Variants in TPTE observed in about 807,000 individuals in gnomAD.
TPTE encodes putative tyrosine-protein phosphatase TPTE.
A neutral mutation model predicts 84.1 loss-of-function variants in TPTE; 59 were observed. The ratio of observed to expected loss-of-function variants is 0.70; its 90% CI spans 0.57 to 0.87. The LOEUF is 0.87. Among genes scored for constraint, TPTE ranks in the 40% least tolerant of loss-of-function variants. The probability of loss-of-function intolerance (pLI) is 0.00; values close to 1 mark genes in which losing one functional copy is unlikely to be tolerated. For missense variants in TPTE, 382 were observed against 659.6 expected (o/e 0.58, Z 4.61); for synonymous variants, 130 against 223.5 (o/e 0.58, Z 3.73).
intron 5 of TPTE, 82 bp downstream of exon 5, chr21:10,541,247 C>A (rs469872): frequency 0.13 from 192,140 of 1,486,028 alleles, 196 homozygotes; most frequent in African/African-American, 0.47. Flanking sequence ...TGAAGCAGGC[C>A]GATACCCTGA....
At chr21:10,573,848 G>T (rs1176549406) in intron 14 of TPTE, among the ~76,000 whole-genome samples, 1 of 152,310 alleles carries the variant, frequency 6.6e-6, no homozygotes, top group Non-Finnish European at 1.5e-5. Flanking sequence ...GATGGCAGAG[G>T]CAAGAGTCCG....
chr21:10,553,272 G>T (rs1217077097), intron 8 of TPTE, among the ~76,000 whole-genome samples: 1 of 152,300 alleles, frequency 6.6e-6, no homozygotes, highest in East Asian at 1.9e-4. Flanking sequence ...AAACTGGCTT[G>T]TGTCTGAACT....
intron 3 of TPTE, among the ~76,000 whole-genome samples, chr21:10,531,437 G>A (rs2074176878): frequency 6.6e-6 from 1 of 152,308 alleles, no homozygotes; most frequent in Admixed American, 6.5e-5. Context: ...AATGGGAGCA[G>A]CCTCAGAAGC....
chr21:10,542,227 C>A (rs2145618979), intron 5 of TPTE, among the ~76,000 whole-genome samples, 168 bp from the exon 6 acceptor site: 1 of 152,426 alleles, frequency 6.6e-6, no homozygotes, highest in Non-Finnish European at 1.5e-5. Context: ...CCATATAAAT[C>A]CTCATTGCTA....
At chr21:10,536,144 G>A (rs1344546232) in intron 3 of TPTE, among the ~76,000 whole-genome samples, 1 of 152,306 alleles carries the variant, frequency 6.6e-6, no homozygotes, top group Non-Finnish European at 1.5e-5. Flanking sequence ...CAGGTGTGGT[G>A]GTGCATGCCT....
rs2075002218 is a variant in TPTE, at chr21:10,569,674, AACTG to A, written c.667-8_667-5del. ...GTTTCACAAACTAATGACGATTTTA[AACTG>A]TCAGGTTTCAGAAAACAAAAGGCGA... On this transcript the variant is annotated splice_polypyrimidine_tract_variant and splice_region_variant and intron_variant, in intron 12 of 23. Transcript: ENST00000618007. 1 of 1,614,020 alleles carries A rather than the reference AACTG, an allele frequency of 6.2e-7. No individual in the cohort carries two copies. The highest frequency in any genetic ancestry group is 1.3e-5 in the African/African-American group (1 of 75,082).
chr21:10,603,517 A>C (rs367622659), intron 22 of TPTE, 45 bp from the exon 23 acceptor site: 8 of 1,543,800 alleles, frequency 5.2e-6, no homozygotes, highest in Admixed American at 1.8e-5. Flanking sequence ...TGGAATGATT[A>C]GTTCTTGGTA....
intron 17 of TPTE, among the ~76,000 whole-genome samples, chr21:10,587,613 A>G (rs2075390200): frequency 6.6e-6 from 1 of 152,112 alleles, no homozygotes; most frequent in Non-Finnish European, 1.5e-5. Context: ...GCAATGGCGC[A>G]GTCTTGGCTC....
intron 3 of TPTE, among the ~76,000 whole-genome samples, chr21:10,530,579 A>G (rs1232088809): frequency 1.3e-5 from 2 of 152,302 alleles, no homozygotes; most frequent in Non-Finnish European, 2.9e-5. Flanking sequence ...AGGAACACAT[A>G]TATTGCTTCC....
intron 4 of TPTE, among the ~76,000 whole-genome samples, chr21:10,539,982 T>G (rs1301401442): frequency 3.3e-5 from 5 of 152,300 alleles, no homozygotes; most frequent in Admixed American, 2.6e-4. Flanking sequence ...GCACTCCAGC[T>G]TGGGTGACTG....
intron 22 of TPTE, among the ~76,000 whole-genome samples, 173 bp downstream of exon 22, chr21:10,602,323 CATTT>C (rs1486875536): frequency 7.9e-5 from 12 of 152,362 alleles, no homozygotes; most frequent in African/African-American, 2.4e-4. Context: ...AATTTTTGTT[CATTT>C]GTTTTTTTCT....
At position 10,580,330 on chromosome 21, in the gene TPTE, C is replaced by A. The variant is rs1328919883; in HGVS notation, c.1027+1725C>A. On this transcript the variant is annotated intron_variant, in intron 17 of 23. Transcript: ENST00000618007. ...TGTCTCTTTACTCTATAAATATCTC[C>A]TTTGCTGTGCAAAAGCGTTTTAGTT... 7.9e-5 allele frequency among the ~76,000 whole-genome samples: 12 copies of A among 152,404 alleles called. No individual in the cohort carries two copies. The South Asian group carries it at 2.3e-3, about 29-fold the overall frequency.
chr21:10,531,823 A>G (rs1233236367), intron 3 of TPTE, among the ~76,000 whole-genome samples: 1 of 152,302 alleles, frequency 6.6e-6, no homozygotes, highest in Admixed American at 6.5e-5. Context: ...GCTTTAATCT[A>G]CTTAGAGTCT....
At chr21:10,534,731 A>C (rs2074238465) in intron 3 of TPTE, among the ~76,000 whole-genome samples, 1 of 152,308 alleles carries the variant, frequency 6.6e-6, no homozygotes, top group South Asian at 2.1e-4. Context: ...TTTCTTGGAC[A>C]CTGTTTCTGA....
chr21:10,527,244 A>G (rs2074097146), intron 2 of TPTE, 111 bp from the exon 3 acceptor site: 1 of 152,752 alleles, frequency 6.5e-6, no homozygotes, highest in Admixed American at 6.5e-5. Flanking sequence ...TCTTGTCAAA[A>G]TTCCTCCGAT....
intron 14 of TPTE, chr21:10,576,421 C>A: frequency 5.4e-6 from 1 of 186,182 alleles, no homozygotes. Context: ...CAGGTCAGGC[C>A]ATTGGATTAT....
chr21:10,534,945 A>G (rs2074241928), intron 3 of TPTE, among the ~76,000 whole-genome samples: 1 of 152,312 alleles, frequency 6.6e-6, no homozygotes, highest in Non-Finnish European at 1.5e-5. Context: ...TTAAAAAAGT[A>G]TCACAAACCA....
At chr21:10,548,982 C>T (rs2074522985) in intron 7 of TPTE, among the ~76,000 whole-genome samples, 1 of 152,312 alleles carries the variant, frequency 6.6e-6, no homozygotes, top group South Asian at 2.1e-4. Context: ...TCCAAGTTTT[C>T]TGACCCACTC....
Position 10,590,498 on chromosome 21 carries a change from C to G in TPTE, c.1064C>G (p.Ala355Gly), listed in dbSNP as rs777490013. ...ACTATGGTTTGTGCCTTCCTTATTG[C>G]CTCTGAAATATGTTCAACTGCAAAG... ...TGTMVCAFLI[A>G]SEICSTAKES... Residue 355 changes from alanine to glycine, a missense_variant, in exon 18 of 24, where the codon GCC becomes GGC. Ala to Gly is a moderately conservative substitution (Grantham distance 60). This residue lies in a region of TPTE where 37 missense variants were observed against 28.3 expected (regional missense o/e 1.31). Coordinates refer to ENST00000618007, the MANE Select transcript of TPTE (RefSeq NM_199261.4). 1 of 1,614,034 alleles carries G rather than the reference C, an allele frequency of 6.2e-7. No homozygotes were observed. The highest frequency in any genetic ancestry group is 1.7e-5 in the Admixed American group (1 of 59,984).
Sources: allele counts gnomAD v4.1 joint callset (sites outside exome capture counted in the v4.1 genomes callset), GRCh38; gene constraint gnomAD v4.1.1; regional missense constraint gnomAD v4.1.1; transcripts MANE v1.5; gene names NCBI Gene and HGNC (gene_info 2026-07-23, HGNC 2026-07-21).